Variants in PTPRR observed in about 807,000 individuals in gnomAD.
The protein encoded by PTPRR is receptor-type tyrosine-protein phosphatase R.
In PTPRR, 38 loss-of-function variants were observed where a neutral mutation model predicts 77.2. The observed-to-expected ratio is 0.49, with a 90% CI of 0.38 to 0.65. The LOEUF (loss-of-function observed/expected upper bound fraction) is 0.65. Ranked by LOEUF, PTPRR falls within the 30% of genes least tolerant of loss-of-function variation. The pLI is 0.00. For missense variants in PTPRR, 744 were observed against 799.2 expected, an observed-to-expected ratio of 0.93 and a Z score of 0.83; for synonymous variants, 299 against 283.1, an observed-to-expected ratio of 1.06 and a Z score of -0.57.
chr12:70,664,361 A>G (rs1164850371), intron 10 of PTPRR: 4 of 152,210 alleles, frequency 2.6e-5, no homozygotes, highest in Admixed American at 2.0e-4. Flanking sequence ...TCAATGAAGC[A>G]TCAATTATTT....
chr12:70,646,002 C>G (rs1886186459), intron 13 of PTPRR, among the ~76,000 whole-genome samples: 1 of 152,192 alleles, frequency 6.6e-6, no homozygotes, highest in South Asian at 2.1e-4. Flanking sequence ...CAGCCCGTAT[C>G]CGGTCTAATC....
Position 70,892,233 on chromosome 12 carries a change from C to T in PTPRR, c.357+446G>A, listed in dbSNP as rs12299342. 3.5e-3 allele frequency among the ~76,000 whole-genome samples: 536 copies of T among 152,092 alleles called. 1 individual carries two copies. Among genetic ancestry groups the T allele is most frequent in the African/African-American group, 1.0e-2 (415 of 41,506 alleles). On this transcript the variant is annotated intron_variant, in intron 2 of 13. Coordinates refer to ENST00000283228, the MANE Select transcript of PTPRR (RefSeq NM_002849.4). ...ACTACTCTCCCTCTACCACACCTCCCCTTTCAGTTGTCTTATTTATTGTAA... is the reference window on the plus strand; with the variant it reads ...ACTACTCTCCCTCTACCACACCTCCTCTTTCAGTTGTCTTATTTATTGTAA...
At chr12:70,903,894 C>A (rs1208140741) in intron 1 of PTPRR, among the ~76,000 whole-genome samples, 2 of 151,756 alleles carry the variant, frequency 1.3e-5, no homozygotes, top group Non-Finnish European at 3.0e-5. Flanking sequence ...AATTAGAAAA[C>A]AAACCAGTTT....
At chr12:70,684,031 A>G in intron 10 of PTPRR, 96 bp downstream of exon 10, 1 of 1,337,120 alleles carries the variant, frequency 7.5e-7, no homozygotes, top group Non-Finnish European at 1.0e-6. Context: ...CAGAGTTTCC[A>G]TCTTAAATCT....
At chr12:70,891,098 AG>A (rs1893328574) in intron 2 of PTPRR, among the ~76,000 whole-genome samples, 1 of 152,132 alleles carries the variant, frequency 6.6e-6, no homozygotes, top group Non-Finnish European at 1.5e-5. Flanking sequence ...AAGCTAATGC[AG>A]CAAAATTGCC....
chr12:70,765,610 A>G (rs1309023595), intron 2 of PTPRR, among the ~76,000 whole-genome samples: 1 of 152,220 alleles, frequency 6.6e-6, no homozygotes, highest in Non-Finnish European at 1.5e-5. Context: ...AGACAGCAGT[A>G]ACCTCTGCAG....
intron 2 of PTPRR, among the ~76,000 whole-genome samples, chr12:70,780,314 T>C (rs1410888468): frequency 1.3e-5 from 2 of 152,178 alleles, no homozygotes; most frequent in Admixed American, 6.6e-5. Flanking sequence ...GTAGGCAATA[T>C]CAATATATAT....
At chr12:70,692,712 A>G (rs1888096599) in intron 8 of PTPRR, among the ~76,000 whole-genome samples, 1 of 152,124 alleles carries the variant, frequency 6.6e-6, no homozygotes, top group African/African-American at 2.4e-5. Flanking sequence ...AGTCTTCCTC[A>G]TTACTCAGGG....
At chr12:70,730,133 T>G (rs571096479) in intron 6 of PTPRR, among the ~76,000 whole-genome samples, 63 of 152,210 alleles carry the variant, frequency 4.1e-4, no homozygotes, top group Non-Finnish European at 7.8e-4. Context: ...TGAGAATTTC[T>G]GTCACACCCA....
At chr12:70,764,901 G>A (rs1447542684) in intron 2 of PTPRR, 123 bp from the exon 3 acceptor site, 1 of 674,620 alleles carries the variant, frequency 1.5e-6, no homozygotes, top group Non-Finnish European at 2.6e-6. Context: ...ACTGACCACA[G>A]TTTCTGTGAC....
At chr12:70,740,589 ATTC>A (rs1346078803) in intron 6 of PTPRR, among the ~76,000 whole-genome samples, 2 of 152,128 alleles carry the variant, frequency 1.3e-5, no homozygotes, top group African/African-American at 4.8e-5. Flanking sequence ...TTCAGAGTGT[ATTC>A]TTTATACTCA....
chr12:70,778,731 G>T (rs1417802027), intron 2 of PTPRR, among the ~76,000 whole-genome samples: 3 of 151,846 alleles, frequency 2.0e-5, no homozygotes, highest in Non-Finnish European at 4.4e-5. Context: ...TCTGAATTCT[G>T]TCAATTTATT....
chr12:70,864,438 G>A (rs542793098), intron 2 of PTPRR, among the ~76,000 whole-genome samples: 82 of 152,016 alleles, frequency 5.4e-4, no homozygotes, highest in Non-Finnish European at 1.0e-3. Flanking sequence ...GATTTTCCAG[G>A]GCCTGTGGGA....
chr12:70,872,491 C>T (rs890547326), intron 2 of PTPRR, among the ~76,000 whole-genome samples: 9 of 151,614 alleles, frequency 5.9e-5, no homozygotes, highest in Non-Finnish European at 8.8e-5. Flanking sequence ...GTCAGGAGAT[C>T]GAGACCATCC....
At chr12:70,657,460 T>C (rs1886627238) in intron 12 of PTPRR, among the ~76,000 whole-genome samples, 1 of 152,210 alleles carries the variant, frequency 6.6e-6, no homozygotes, top group African/African-American at 2.4e-5. Flanking sequence ...GTTTATACAT[T>C]CAACTGCCTT....
In PTPRR at chr12:70,894,777, G is replaced by A. The variant is rs186300970; in HGVS notation, c.59-1800C>T. Among the ~76,000 whole-genome samples the A allele has an allele frequency of 7.3e-5, 11 of 151,624 alleles. No homozygotes were observed. The South Asian group carries it at 8.3e-4, about 11-fold the overall frequency. On this transcript the variant is annotated intron_variant, in intron 1 of 13. Coordinates refer to ENST00000283228, the MANE Select transcript of PTPRR (RefSeq NM_002849.4). ...TAATGAGAGTTTCATTTCCAAATCC[G>A]AGGAACTCATTTAATATGGAGAAAT...
Position 70,892,679 on chromosome 12 carries a change from C to G in PTPRR, c.357G>C (p.Val119=). ...AGCATCAGTTTAACATACTACTTACCACCACAATTACATTTGCTGCTGGGA... is the reference window on the plus strand; with the variant it reads ...AGCATCAGTTTAACATACTACTTACGACCACAATTACATTTGCTGCTGGGA... ...LPIPAANVIV[V]TLQMDVNKLN... is the part of the protein sequence containing the mutation. Residue 119 remains valine, a splice_region_variant and synonymous_variant, in exon 2 of 14, where the codon GTG becomes GTC. Coordinates refer to ENST00000283228, the MANE Select transcript of PTPRR (RefSeq NM_002849.4). The G allele has an allele frequency of 6.2e-7, 1 of 1,612,758 alleles. No homozygotes were observed. The highest frequency in any genetic ancestry group is 1.1e-5 in the South Asian group (1 of 91,032).
chr12:70,842,025 A>G (rs539648480), intron 2 of PTPRR, among the ~76,000 whole-genome samples: 6 of 152,294 alleles, frequency 3.9e-5, no homozygotes, highest in East Asian at 1.9e-4. Context: ...TCAAATAACA[A>G]TGTTAATATA....
At chr12:70,845,449 G>A (rs911610320) in intron 2 of PTPRR, among the ~76,000 whole-genome samples, 5 of 152,088 alleles carry the variant, frequency 3.3e-5, no homozygotes, top group African/African-American at 7.2e-5. Flanking sequence ...ACAGTAGGAC[G>A]CATTTAGAAA....
Sources: gnomAD v4.1 joint callset for allele counts (sites outside exome capture counted in the v4.1 genomes callset) on GRCh38, gnomAD v4.1.1 for gene constraint, MANE v1.5 for transcripts, NCBI Gene and HGNC (gene_info 2026-07-23, HGNC 2026-07-21) for gene names.